The following LGMN variants were observed in gnomAD, a reference collection of about 807,000 sequenced individuals.
LGMN encodes asparaginyl endopeptidase.
In LGMN, 36 loss-of-function variants were observed where a neutral mutation model predicts 56.8. The observed-to-expected ratio is 0.63, with a 90% confidence interval of 0.49 to 0.84. The LOEUF is 0.84. LGMN is among the 40% of genes least tolerant of loss of function. The probability of loss-of-function intolerance (pLI) is 0.00; values close to 1 mark genes in which losing one functional copy is unlikely to be tolerated. For synonymous variants in LGMN, 199 were observed against 210.1 expected, an observed-to-expected ratio of 0.95 and a Z score of 0.46; for missense variants, 446 against 556.1, an observed-to-expected ratio of 0.80 and a Z score of 1.99.
At chr14:92,709,539 A>G in intron 11 of LGMN, 133 bp downstream of exon 11, 2 of 743,944 alleles carry the variant, frequency 2.7e-6, no homozygotes, top group Non-Finnish European at 2.3e-6. Context: ...CGTTACATGG[A>G]GGACAAAGGC....
chr14:92,724,609 T>C (rs750096223), intron 2 of LGMN, among the ~76,000 whole-genome samples: 5 of 152,232 alleles, frequency 3.3e-5, no homozygotes, highest in Non-Finnish European at 7.3e-5. Context: ...TATGAGGTCA[T>C]ATTCGAGAGG....
At chr14:92,718,590 A>T (rs911845642) in intron 3 of LGMN, among the ~76,000 whole-genome samples, 157 bp downstream of exon 3, 5 of 151,876 alleles carry the variant, frequency 3.3e-5, no homozygotes, top group African/African-American at 1.2e-4. Context: ...AATAATAAAA[A>T]AAAAAAAGCT....
chr14:92,741,853 A>C (rs1461996730), intron 1 of LGMN: 1 of 152,076 alleles, frequency 6.6e-6, no homozygotes, highest in African/African-American at 2.4e-5. Flanking sequence ...ACAGAGTGAG[A>C]CTCCACCTAA....
At chr14:92,734,517 G>C (rs1171585550) in intron 1 of LGMN, among the ~76,000 whole-genome samples, 1 of 152,120 alleles carries the variant, frequency 6.6e-6, no homozygotes, top group Non-Finnish European at 1.5e-5. Context: ...GCAGGAGCCT[G>C]TAATCCCAGC....
chr14:92,718,311 C>A (rs572076189), intron 3 of LGMN, among the ~76,000 whole-genome samples: 1 of 152,160 alleles, frequency 6.6e-6, no homozygotes, highest in South Asian at 2.1e-4. Context: ...TGGTGGCTCA[C>A]ATCTGTAATC....
At chr14:92,746,284 C>T (rs1046430994) in intron 1 of LGMN, among the ~76,000 whole-genome samples, 2 of 152,088 alleles carry the variant, frequency 1.3e-5, no homozygotes, top group East Asian at 1.9e-4. Context: ...ATTCAGATTT[C>T]GATACCCTCA....
rs1891110496 is a variant in LGMN at position 92,732,667 on chromosome 14, C to T, written c.120G>A (p.Trp40Ter). 1.2e-6 allele frequency: 2 copies of T among 1,613,892 alleles called. No individual in the cohort carries two copies. Among genetic ancestry groups the T allele is most frequent in the East Asian group, 2.2e-5 (1 of 44,896 alleles). Residue 40 changes from tryptophan (W) to a stop codon, truncating the protein, a stop_gained, in exon 2 of 14, where the codon TGG becomes TGA. Transcript: ENST00000334869. LOFTEE classifies it high-confidence loss of function. ...WVVIVAGSNGWYNYRHQADAC... is the reference protein window; with the variant it reads ...WVVIVAGSNG Reference sequence around the variant, plus strand: ...TTCTTACCTGGTGCCTATAATTATACCAGCCATTTGAACCTGCCACGATCA... The same window carrying T: ...TTCTTACCTGGTGCCTATAATTATATCAGCCATTTGAACCTGCCACGATCA...
Position 92,718,861 on chromosome 14 carries a change from G to C in LGMN, c.139-17C>G. 2.5e-6 allele frequency: 4 copies of C among 1,603,972 alleles called. No individual in the cohort carries two copies. The highest frequency in any genetic ancestry group is 3.4e-6 in the Non-Finnish European group (4 of 1,171,484). ...CGCGTCTGCCTGGGAGAAATGATTT[G>C]GTGAAGTTTTAGATCTTGCCTGGGA... is the stretch of plus-strand genomic sequence containing the variant. On this transcript the variant is annotated splice_polypyrimidine_tract_variant and intron_variant, in intron 2 of 13. Coordinates refer to ENST00000334869, the MANE Select transcript of LGMN (RefSeq NM_005606.7).
At chr14:92,718,690 CT>C (rs1358828547) in intron 3 of LGMN, 56 bp downstream of exon 3, 27 of 1,207,974 alleles carry the variant, frequency 2.2e-5, no homozygotes, top group Admixed American at 1.0e-4. Context: ...TCTATGTGAC[CT>C]TTTTTTAAAT....
chr14:92,733,059 G>A (rs965656131), intron 1 of LGMN, among the ~76,000 whole-genome samples: 3 of 149,086 alleles, frequency 2.0e-5, no homozygotes, highest in African/African-American at 5.0e-5. Flanking sequence ...TGAGGAAGGA[G>A]AATCACTTGA....
intron 2 of LGMN, among the ~76,000 whole-genome samples, chr14:92,720,684 C>T (rs1299035818): frequency 6.6e-6 from 1 of 152,100 alleles, no homozygotes. Flanking sequence ...GATGCTCAAA[C>T]ACTAATTGTG....
chr14:92,746,474 T>C (rs1595571472), intron 1 of LGMN, among the ~76,000 whole-genome samples: 1 of 152,216 alleles, frequency 6.6e-6, no homozygotes, highest in Admixed American at 6.5e-5. Context: ...TGTGGTATGG[T>C]GTATTCTACC....
chr14:92,726,623 G>C (rs896994537), intron 2 of LGMN, among the ~76,000 whole-genome samples: 1 of 152,074 alleles, frequency 6.6e-6, no homozygotes, highest in African/African-American at 2.4e-5. Flanking sequence ...TCTGTCAAAG[G>C]GAAAGAAAGG....
Position 92,709,407 on chromosome 14 carries a change from A to G in LGMN, c.1020+265T>C, listed in dbSNP as rs575612239. ...ATAAAAGAGGGAAACACCCATGTACATGGCTTCTTGGTACGATACAGGGGA... is the reference window on the plus strand; with the variant it reads ...ATAAAAGAGGGAAACACCCATGTACGTGGCTTCTTGGTACGATACAGGGGA... On this transcript the variant is annotated intron_variant, in intron 11 of 13. Transcript: ENST00000334869. 2.0e-5 allele frequency among the ~76,000 whole-genome samples: 3 copies of G among 152,364 alleles called. No individual in the cohort carries two copies. In the East Asian group the frequency reaches 5.8e-4, roughly 29 times the overall value.
chr14:92,719,181 CA>C, intron 2 of LGMN, among the ~76,000 whole-genome samples: 1 of 124,424 alleles, frequency 8.0e-6, no homozygotes, highest in Non-Finnish European at 1.7e-5. Context: ...CCACCACCAC[CA>C]TCACCACCAC....
chr14:92,738,742 C>T (rs1891417499), intron 1 of LGMN, among the ~76,000 whole-genome samples: 1 of 151,564 alleles, frequency 6.6e-6, no homozygotes, highest in African/African-American at 2.4e-5. Flanking sequence ...CATACATGGC[C>T]GGGCACAGTG....
At chr14:92,746,338 T>C (rs1407120337) in intron 1 of LGMN, among the ~76,000 whole-genome samples, 10 of 152,188 alleles carry the variant, frequency 6.6e-5, no homozygotes, top group Admixed American at 5.2e-4. Flanking sequence ...ATTCCAATTA[T>C]GGTCTGCAAA....
At chr14:92,721,393 G>A (rs1041196397) in intron 2 of LGMN, among the ~76,000 whole-genome samples, 1 of 152,136 alleles carries the variant, frequency 6.6e-6, no homozygotes, top group East Asian at 1.9e-4. Flanking sequence ...CAGCCACCAA[G>A]GAACACAGCC....
chr14:92,717,281 G>C (rs1890117862), intron 4 of LGMN, 99 bp downstream of exon 4: 1 of 745,878 alleles, frequency 1.3e-6, no homozygotes, highest in African/African-American at 1.7e-5. Context: ...CCAGAAGCCA[G>C]TCTAGGGAGA....
Sources: gnomAD v4.1 joint callset for allele counts (sites outside exome capture counted in the v4.1 genomes callset) on GRCh38, gnomAD v4.1.1 for gene constraint, MANE v1.5 for transcripts, NCBI Gene and HGNC (gene_info 2026-07-23, HGNC 2026-07-21) for gene names.